The following ABRAXAS1 variants were observed in gnomAD, a reference collection of about 807,000 sequenced individuals.
The protein encoded by ABRAXAS1 is BRCA1-A complex subunit Abraxas 1.
In ABRAXAS1, 26 loss-of-function variants were observed where a neutral mutation model predicts 38.4. The observed-to-expected ratio is 0.68, with a 90% CI of 0.50 to 0.94. ABRAXAS1 has a LOEUF of 0.94. ABRAXAS1 is among the 40% of genes least tolerant of loss of function. The pLI, the probability that ABRAXAS1 is intolerant of heterozygous loss-of-function variation, is 0.00. For missense variants in ABRAXAS1, 438 were observed against 481.9 expected, an observed-to-expected ratio of 0.91 and a Z score of 0.85; for synonymous variants, 144 against 165.5, an observed-to-expected ratio of 0.87 and a Z score of 1.00.
intron 8 of ABRAXAS1, 85 bp from the exon 9 acceptor site, chr4:83,462,987 C>G (rs1182145979): frequency 1.1e-6 from 1 of 942,782 alleles, no homozygotes; most frequent in African/African-American, 1.7e-5. Context: ...AAAATTAAGT[C>G]AAAAAGATTT....
chr4:83,472,102 C>T (rs1377158169), intron 4 of ABRAXAS1, 120 bp downstream of exon 4: 2 of 520,954 alleles, frequency 3.8e-6, no homozygotes, highest in South Asian at 3.0e-5. Flanking sequence ...TTCTTACTTA[C>T]TTTACAGGAT....
At chr4:83,473,190 G>C (rs931658591) in intron 3 of ABRAXAS1, among the ~76,000 whole-genome samples, 8 of 152,118 alleles carry the variant, frequency 5.3e-5, no homozygotes, top group Non-Finnish European at 2.9e-5. Flanking sequence ...CGAGGTGGGA[G>C]GATCACTTGA....
In ABRAXAS1 at chr4:83,462,321, T is replaced by G; in HGVS notation, c.*148A>C. The G allele has an allele frequency of 1.5e-6, 1 of 675,482 alleles. No homozygotes were observed. Among genetic ancestry groups the G allele is most frequent in the Non-Finnish European group, 2.5e-6 (1 of 400,840 alleles). The allele number at this position is 675,482 out of a possible 1,614,324, so 41.8% of individuals were successfully genotyped here. The stretch of plus-strand genomic sequence containing the variant: ...AAAGTACTTTGTGAAGTAAATGCAC[T>G]AAGAGTTATCTGTGTATTACTGCAA... On this transcript the variant is annotated 3_prime_UTR_variant, in exon 9 of 9. Transcript: ENST00000321945.
At position 83,470,409 on chromosome 4, in the gene ABRAXAS1, A is replaced by C; in HGVS notation, c.283-13T>G. ...AACCTACCACATTCTGAAATACAGA[A>C]TAAAAAGGATATACATCTTAATAGT... is the stretch of plus-strand genomic sequence containing the variant. On this transcript the variant is annotated splice_polypyrimidine_tract_variant and intron_variant, in intron 4 of 8. Transcript: ENST00000321945. The C allele has an allele frequency of 6.3e-7, 1 of 1,587,164 alleles. No homozygotes were observed. Among genetic ancestry groups the C allele is most frequent in the Non-Finnish European group, 8.6e-7 (1 of 1,158,314 alleles).
At position 83,462,880 on chromosome 4, in the gene ABRAXAS1, G is replaced by T. The variant is rs1454080702; in HGVS notation, c.819C>A (p.Asp273Glu). Residue 273 changes from aspartate to glutamate, a missense_variant, in exon 9 of 9, where the codon GAC (aspartate) becomes GAA (glutamate). Physicochemically the swap from Asp to Glu is conservative, Grantham distance 45 (BLOSUM62 2). Coordinates refer to ENST00000321945, the MANE Select transcript of ABRAXAS1 (RefSeq NM_139076.3). ...QAAREKNIQKDPQENIFLCQA... is the reference protein window; with the variant it reads ...QAAREKNIQKEPQENIFLCQA... The stretch of plus-strand genomic sequence containing the variant: ...GACAAAGAAAAATGTTCTCCTGAGG[G>T]TCTTTTTGGATGTTCTTCTCTCCTA... The T allele has an allele frequency of 2.5e-6, 4 of 1,584,470 alleles. No homozygotes were observed. Among genetic ancestry groups the T allele is most frequent in the Non-Finnish European group, 2.6e-6 (3 of 1,168,218 alleles).
At position 83,459,596 on chromosome 4, in the gene ABRAXAS1, CAA is replaced by C. The variant is rs1722000347; in HGVS notation, c.*2871_*2872del. 4 of 659,762 alleles carry C rather than the reference CAA, an allele frequency of 6.1e-6. No individual in the cohort carries two copies. Among genetic ancestry groups the C allele is most frequent in the Admixed American group, 3.1e-5 (1 of 32,114 alleles). The allele number at this position is 659,762 out of a possible 1,614,324, so 40.9% of individuals were successfully genotyped here. ...TATTTAAAAGGTAACAGGAGGATAACAATATTTTTTTCTTATATTTTATGAAA... is the reference window on the plus strand; with the variant it reads ...TATTTAAAAGGTAACAGGAGGATAACTATTTTTTTCTTATATTTTATGAAA... On this transcript the variant is annotated 3_prime_UTR_variant, in exon 9 of 9. Transcript: ENST00000321945.
chr4:83,473,983 C>CA (rs1436243329), intron 3 of ABRAXAS1, among the ~76,000 whole-genome samples: 4 of 148,980 alleles, frequency 2.7e-5, no homozygotes, highest in Non-Finnish European at 4.5e-5. Flanking sequence ...AATACACCAA[C>CA]AAAAAAAAAT....
intron 7 of ABRAXAS1, among the ~76,000 whole-genome samples, chr4:83,466,669 G>A (rs1722371001): frequency 6.6e-6 from 1 of 152,002 alleles, no homozygotes; most frequent in Admixed American, 6.6e-5. Flanking sequence ...CCGAGTAGCT[G>A]GGACTACAGG....
In ABRAXAS1 at chr4:83,478,473, T is replaced by C. The variant is rs368679425; in HGVS notation, c.179-1794A>G. The C allele has an allele frequency of 4.8e-5, 21 of 437,096 alleles. 1 individual carries two copies. Among genetic ancestry groups the C allele is most frequent in the Admixed American group, 3.8e-4 (13 of 33,998 alleles). The allele number at this position is 437,096 out of a possible 1,614,324, so 27.1% of individuals were successfully genotyped here. On this transcript the variant is annotated intron_variant, in intron 2 of 8. Transcript: ENST00000321945. Reference sequence around the variant, plus strand: ...GCCCTGCCAGCCTTTCTACTCCTTTTCCCTTTTCCCGTGTTCTAATGTATT... The same window carrying C: ...GCCCTGCCAGCCTTTCTACTCCTTTCCCCTTTTCCCGTGTTCTAATGTATT...
chr4:83,484,565 C>T (rs1397776662), intron 1 of ABRAXAS1, among the ~76,000 whole-genome samples: 2 of 152,244 alleles, frequency 1.3e-5, no homozygotes, highest in Non-Finnish European at 2.9e-5. Flanking sequence ...CGCACAGACG[C>T]TGCTCTGCAT....
At chr4:83,465,499 G>C (rs752817792) in intron 7 of ABRAXAS1, among the ~76,000 whole-genome samples, 6 of 151,716 alleles carry the variant, frequency 4.0e-5, no homozygotes, top group Non-Finnish European at 7.4e-5. Context: ...AAAATGGTGA[G>C]ATTCCAGGCT....
chr4:83,467,548 AT>A lies in ABRAXAS1; in HGVS notation c.597-11del. 1 of 1,405,262 alleles carries A rather than the reference AT, an allele frequency of 7.1e-7. No homozygotes were observed. The allele number at this position is 1,405,262 out of a possible 1,614,324, so 87.0% of individuals were successfully genotyped here. On this transcript the variant is annotated splice_polypyrimidine_tract_variant and intron_variant, in intron 6 of 8. Transcript: ENST00000321945. ...TTCAAAAAATTTAGAGCTGTAAAAA[AT>A]TACCATTTCCTCAGGCAAATACACA...
chr4:83,472,308 AG>A lies in ABRAXAS1; in HGVS notation c.216-21del. ...TAAAAGCTGTAAAAGCCAAAATTAA[AG>A]GTATTTCAAATACGCTAAAAATATA... On this transcript the variant is annotated intron_variant, in intron 3 of 8. Coordinates refer to ENST00000321945, the MANE Select transcript of ABRAXAS1 (RefSeq NM_139076.3). The A allele has an allele frequency of 7.0e-7, 1 of 1,433,448 alleles. No individual in the cohort carries two copies. Among genetic ancestry groups the A allele is most frequent in the Non-Finnish European group, 9.3e-7 (1 of 1,070,208 alleles). 88.8% of individuals were successfully genotyped at this position (1,433,448 alleles called of 1,614,324 possible). A position where few individuals can be genotyped will look rare whatever the true frequency, so the allele number is the denominator to read the frequency against.
intron 4 of ABRAXAS1, among the ~76,000 whole-genome samples, chr4:83,471,040 A>G (rs965424763): frequency 6.6e-6 from 1 of 152,174 alleles, no homozygotes; most frequent in African/African-American, 2.4e-5. Flanking sequence ...TTCAGCAACT[A>G]AATTATATAT....
At chr4:83,479,960 CA>C (rs34519573) in intron 2 of ABRAXAS1, 65,452 of 139,552 alleles carry the variant, frequency 0.47, 14,693 homozygotes, top group East Asian at 0.67. Flanking sequence ...GACCTCATCT[CA>C]AAAAAAAAAA....
chr4:83,459,847 A>C lies in ABRAXAS1; in HGVS notation c.*2622T>G. 2.1e-6 allele frequency: 3 copies of C among 1,440,460 alleles called. No individual in the cohort carries two copies. The highest frequency in any genetic ancestry group is 2.9e-6 in the Non-Finnish European group (3 of 1,043,844). 89.2% of individuals were successfully genotyped at this position (1,440,460 alleles called of 1,614,324 possible). A position where few individuals can be genotyped will look rare whatever the true frequency, so the allele number is the denominator to read the frequency against. On this transcript the variant is annotated 3_prime_UTR_variant, in exon 9 of 9. Coordinates refer to ENST00000321945, the MANE Select transcript of ABRAXAS1 (RefSeq NM_139076.3). ...TATAAATGTAGATACGAATTATATC[A>C]ATCTATTTCTATCATTTAAGAAAAC...
intron 1 of ABRAXAS1, among the ~76,000 whole-genome samples, chr4:83,484,410 A>C (rs551114782): frequency 6.6e-6 from 1 of 152,386 alleles, no homozygotes; most frequent in African/African-American, 2.4e-5. Context: ...TAGGCAACGT[A>C]CTTTTAAAAA....
chr4:83,481,324 A>G (rs1722993338), intron 2 of ABRAXAS1, among the ~76,000 whole-genome samples: 2 of 152,118 alleles, frequency 1.3e-5, no homozygotes, highest in Non-Finnish European at 2.9e-5. Flanking sequence ...ATTTCTTTTA[A>G]CCATTTTTTT....
chr4:83,482,356 G>T (rs1365656228), intron 1 of ABRAXAS1, 112 bp from the exon 2 acceptor site: 12 of 558,546 alleles, frequency 2.1e-5, no homozygotes, highest in Non-Finnish European at 3.4e-5. Flanking sequence ...TACCAGTCGG[G>T]GGCACATATG....
Sources: allele counts gnomAD v4.1 joint callset (sites outside exome capture counted in the v4.1 genomes callset), GRCh38; gene constraint gnomAD v4.1.1; transcripts MANE v1.5; gene names NCBI Gene and HGNC (gene_info 2026-07-23, HGNC 2026-07-21).